Variants in TBC1D9B observed in about 807,000 individuals in gnomAD.
TBC1D9B encodes the protein TBC1 domain family, member 9B (with GRAM domain).
In TBC1D9B, 87 loss-of-function variants were observed where a neutral mutation model predicts 121.1. That is an observed-to-expected ratio of 0.72 (90% CI 0.60 to 0.86). The LOEUF (loss-of-function observed/expected upper bound fraction) is 0.86. Among genes scored for constraint, TBC1D9B ranks in the 40% least tolerant of loss-of-function variants. The pLI, the probability that TBC1D9B is intolerant of heterozygous loss-of-function variation, is 0.00. For synonymous variants in TBC1D9B, 668 were observed against 670.1 expected (o/e 1.00, Z 0.05); for missense variants, 1,540 against 1,628.6 (o/e 0.95, Z 0.94).
chr5:179,882,363 T>C (rs937976450), intron 7 of TBC1D9B, among the ~76,000 whole-genome samples: 1 of 152,164 alleles, frequency 6.6e-6, no homozygotes, highest in African/African-American at 2.4e-5. Flanking sequence ...CAGCTAAATA[T>C]AATCAATGCT....
intron 3 of TBC1D9B, among the ~76,000 whole-genome samples, chr5:179,896,354 T>G (rs1167786034): frequency 6.6e-6 from 1 of 152,246 alleles, no homozygotes; most frequent in Non-Finnish European, 1.5e-5. Context: ...CTTATACCAG[T>G]GCTACCGCAG....
chr5:179,889,871 C>CAAAA (rs397883158), intron 6 of TBC1D9B, among the ~76,000 whole-genome samples: 4 of 48,936 alleles, frequency 8.2e-5, no homozygotes, highest in Admixed American at 3.1e-4. Context: ...GACCCTGTCT[C>CAAAA]AAAAAAAAAA....
Position 179,904,519 on chromosome 5 carries a change from C to T in TBC1D9B, c.229+183G>A, listed in dbSNP as rs570083081. 1.0e-3 allele frequency among the ~76,000 whole-genome samples: 157 copies of T among 152,232 alleles called. 1 individual carries two copies. Among genetic ancestry groups the T allele is most frequent in the South Asian group, 4.4e-3 (21 of 4,822 alleles). ...GGATTACAGACGTGAGCCACCGCACCGGGCCACGGAGCTGCCTTTCTAAGA... is the reference window on the plus strand; with the variant it reads ...GGATTACAGACGTGAGCCACCGCACTGGGCCACGGAGCTGCCTTTCTAAGA... On this transcript the variant is annotated intron_variant, in intron 2 of 20. Coordinates refer to ENST00000355235, the MANE Select transcript of TBC1D9B (RefSeq NM_015043.4). This position sits in a 1 kb window ranked among gnomAD's most constrained non-coding sequence, Gnocchi z 4.2.
rs1311769479 is a variant in TBC1D9B at position 179,879,680 on chromosome 5, A to G, written c.1364T>C (p.Leu455Pro). The G allele has an allele frequency of 6.2e-7, 1 of 1,614,174 alleles. No homozygotes were observed. The change falls in exon 8 of 21, where the codon CTG (leucine) becomes CCG (proline). Residue 455 changes from leucine to proline, a missense_variant. Physicochemically the swap from Leu to Pro is moderately conservative, Grantham distance 98. Transcript: ENST00000355235. Reference protein sequence around the residue: ...AQEAPTASQGLLKLFQKNSPM... With the variant: ...AQEAPTASQGPLKLFQKNSPM... ...CGAGTTTTTCTGGAAGAGCTTCAGCAGGCCCTGGGATGCGGTTGGCGCCTC... is the reference window on the plus strand; with the variant it reads ...CGAGTTTTTCTGGAAGAGCTTCAGCGGGCCCTGGGATGCGGTTGGCGCCTC...
chr5:179,863,617 TCGGTGTCGA>T lies in TBC1D9B; in HGVS notation c.3524_3532del (p.Val1175_Thr1177del). On this transcript the variant is annotated inframe_deletion, in exon 21 of 21. Coordinates refer to ENST00000355235, the MANE Select transcript of TBC1D9B (RefSeq NM_015043.4). This position sits in a 1 kb window ranked among gnomAD's most constrained non-coding sequence, Gnocchi z 4.5. ...GATCTGCTCAAAGGAGATGCACCAG[TCGGTGTCGA>T]CGGTGCCGCCGATGCGCGCTGTGGG... The T allele has an allele frequency of 2.5e-6, 4 of 1,613,890 alleles. No homozygotes were observed. The highest frequency in any genetic ancestry group is 3.4e-6 in the Non-Finnish European group (4 of 1,180,034).
Position 179,863,190 on chromosome 5 carries a change from T to C in TBC1D9B, c.*258A>G, listed in dbSNP as rs1582068714. Reference sequence around the variant, plus strand: ...CAGGTGCAGCTGGTGCGAGGCGGGCTCCCACCAGGTGTAAGGAAGGTGGGA... The same window carrying C: ...CAGGTGCAGCTGGTGCGAGGCGGGCCCCCACCAGGTGTAAGGAAGGTGGGA... On this transcript the variant is annotated 3_prime_UTR_variant, in exon 21 of 21. Coordinates refer to ENST00000355235, the MANE Select transcript of TBC1D9B (RefSeq NM_015043.4). The surrounding 1 kb of genome is among the most constrained non-coding windows in gnomAD (Gnocchi z 4.5). 6.0e-6 allele frequency: 3 copies of C among 497,934 alleles called. No homozygotes were observed. The highest frequency in any genetic ancestry group is 3.0e-5 in the South Asian group (1 of 33,544). 30.8% of individuals were successfully genotyped at this position (497,934 alleles called of 1,614,324 possible).
Position 179,863,450 on chromosome 5 carries a change from A to G in TBC1D9B, c.3700T>C (p.Ter1234ArgextTer5), listed in dbSNP as rs1395052990. 6.2e-7 allele frequency: 1 copy of G among 1,612,442 alleles called. No homozygotes were observed. Among genetic ancestry groups the G allele is most frequent in the Admixed American group, 1.7e-5 (1 of 59,964 alleles). Residue 1234 changes from the stop codon to arginine (R), a stop_lost, in exon 21 of 21, where the codon TGA (stop) becomes CGA (arginine). Coordinates refer to ENST00000355235, the MANE Select transcript of TBC1D9B (RefSeq NM_015043.4). This position sits in a 1 kb window ranked among gnomAD's most constrained non-coding sequence, Gnocchi z 4.5. ...GCCAGGCCTCACAGCTGCAGGCATC[A>G]GCCGGAAACTCCAGGCTGCTCATGG... ...SDHEQPGVSG* is the reference protein window; with the variant it reads ...SDHEQPGVSGR
chr5:179,870,280 G>A lies in TBC1D9B; in HGVS notation c.2700C>T (p.Asn900=). The change falls in exon 16 of 21, where the codon AAC becomes AAT. Residue 900 remains asparagine, a synonymous_variant. Transcript: ENST00000355235. ...TCATCCCTGTCACGAACTCCTTGAA[G>A]TTGATCAGCGAGTCCTTGTTTTCGT... ...LLDENKDSLI[N]FKEFVTGMSG... is the part of the protein sequence containing the mutation. The A allele has an allele frequency of 6.2e-7, 1 of 1,613,890 alleles. No homozygotes were observed. The highest frequency in any genetic ancestry group is 8.5e-7 in the Non-Finnish European group (1 of 1,179,996).
chr5:179,886,707 C>T (rs1760695823), intron 7 of TBC1D9B, among the ~76,000 whole-genome samples: 1 of 152,250 alleles, frequency 6.6e-6, no homozygotes, highest in African/African-American at 2.4e-5. Context: ...CGCCCGCTGC[C>T]CAATGGGATG....
rs796278508 is a variant in TBC1D9B, at chr5:179,881,946, GT to G, written c.1255-2158del. ...TTCCATATCTTTCCATATACCTTCC[GT>G]TTTTTTTTTTTTTTTGAGATGGAGT... On this transcript the variant is annotated intron_variant, in intron 7 of 20. Transcript: ENST00000355235. Among the ~76,000 whole-genome samples, 87 of 128,270 alleles carry G rather than the reference GT, an allele frequency of 6.8e-4. 1 individual carries two copies. The highest frequency in any genetic ancestry group is 4.8e-3 in the East Asian group (23 of 4,810). The allele number at this position is 128,270 out of a possible 152,430, so 84.2% of individuals were successfully genotyped here.
chr5:179,869,977 C>T, intron 16 of TBC1D9B, 143 bp from the exon 17 acceptor site: 2 of 960,234 alleles, frequency 2.1e-6, no homozygotes, highest in Non-Finnish European at 3.0e-6. Flanking sequence ...GATCTCCTGT[C>T]TCCCTGGCGT....
chr5:179,888,696 C>T (rs929283617), intron 6 of TBC1D9B, among the ~76,000 whole-genome samples: 2 of 152,162 alleles, frequency 1.3e-5, no homozygotes, highest in African/African-American at 2.4e-5. Context: ...CAGCAGGGGT[C>T]CTGGAGCTTG....
At position 179,878,459 on chromosome 5, in the gene TBC1D9B, C is replaced by T; in HGVS notation, c.1632G>A (p.Gly544=). ...TCTCCTCTGTGGCCAGGCTGTACTT[C>T]CCGGTGGACTTCTCCACCAGCTCAG... ...YYAELVEKST[G]KYSLATEEIE... Residue 544 remains glycine (G), a synonymous_variant, in exon 10 of 21, where the codon GGG becomes GGA. Coordinates refer to ENST00000355235, the MANE Select transcript of TBC1D9B (RefSeq NM_015043.4). 1.2e-6 allele frequency: 2 copies of T among 1,612,542 alleles called. No homozygotes were observed. The highest frequency in any genetic ancestry group is 1.1e-5 in the South Asian group (1 of 90,558).
chr5:179,907,687 G>A lies in TBC1D9B; in HGVS notation c.118+17C>T. Reference sequence around the variant, plus strand: ...AGCCGCGGCGCCCACAGGCCCGGCCGCCCGCGCGCCTCTCACCCGTAAGGC... The same window carrying A: ...AGCCGCGGCGCCCACAGGCCCGGCCACCCGCGCGCCTCTCACCCGTAAGGC... On this transcript the variant is annotated intron_variant, in intron 1 of 20. Transcript: ENST00000355235. The surrounding 1 kb of genome is among the most constrained non-coding windows in gnomAD (Gnocchi z 5.3). 2 of 1,074,738 alleles carry A rather than the reference G, an allele frequency of 1.9e-6. No homozygotes were observed. Among genetic ancestry groups the A allele is most frequent in the Non-Finnish European group, 1.1e-6 (1 of 875,614 alleles). 66.6% of individuals were successfully genotyped at this position (1,074,738 alleles called of 1,614,324 possible).
Position 179,885,481 on chromosome 5 carries a change from C to T in TBC1D9B, c.1254+2622G>A, listed in dbSNP as rs776702885. On this transcript the variant is annotated intron_variant, in intron 7 of 20. Coordinates refer to ENST00000355235, the MANE Select transcript of TBC1D9B (RefSeq NM_015043.4). This position sits in a 1 kb window ranked among gnomAD's most constrained non-coding sequence, Gnocchi z 4.5. ...GTGGACGCCTGTAATCCCAGCTACT[C>T]GGGAGGCTGAGGCAGGAGAATCACT... 4.0e-5 allele frequency among the ~76,000 whole-genome samples: 6 copies of T among 151,620 alleles called. No individual in the cohort carries two copies. Among genetic ancestry groups the T allele is most frequent in the Non-Finnish European group, 5.9e-5 (4 of 67,928 alleles).
chr5:179,864,399 C>T (rs1490053225), intron 20 of TBC1D9B, among the ~76,000 whole-genome samples: 6 of 152,054 alleles, frequency 3.9e-5, no homozygotes, highest in African/African-American at 1.2e-4. Flanking sequence ...TTTCTAGGTC[C>T]GTTCTGTTGG....
In TBC1D9B at chr5:179,891,487, C is replaced by T. The variant is rs767333008; in HGVS notation, c.936G>A (p.Thr312=). Residue 312 remains threonine (T), a synonymous_variant, in exon 6 of 21, where the codon ACG becomes ACA. Transcript: ENST00000355235. The surrounding 1 kb of genome is among the most constrained non-coding windows in gnomAD (Gnocchi z 4.3). ...CAGGGATGTGCAGCTTGTTGAACGG[C>T]GTCCACAGGGTGCAGCTTGTGTGGC... The part of the protein sequence containing the change: ...LDGHTSCTLW[T]PFNKLHIPGQ... 7.7e-5 allele frequency: 124 copies of T among 1,614,074 alleles called. No individual in the cohort carries two copies. The highest frequency in any genetic ancestry group is 8.3e-5 in the Non-Finnish European group (98 of 1,180,040).
At chr5:179,873,535 T>C (rs911550122) in intron 12 of TBC1D9B, among the ~76,000 whole-genome samples, 3 of 152,214 alleles carry the variant, frequency 2.0e-5, no homozygotes, top group Non-Finnish European at 4.4e-5. Flanking sequence ...GAACGCCTTA[T>C]AACCCCAGAT....
intron 3 of TBC1D9B, among the ~76,000 whole-genome samples, chr5:179,898,422 G>A (rs921796814): frequency 6.6e-6 from 1 of 151,778 alleles, no homozygotes; most frequent in Non-Finnish European, 1.5e-5. Context: ...CAAAGTGCTG[G>A]GATTACAGGC....
Sources: allele counts gnomAD v4.1 joint callset (sites outside exome capture counted in the v4.1 genomes callset), GRCh38; gene constraint gnomAD v4.1.1; non-coding constraint Gnocchi (gnomAD v3.1); transcripts MANE v1.5; gene names NCBI Gene and HGNC (gene_info 2026-07-23, HGNC 2026-07-21).